The following ZBTB8B variants were observed in gnomAD, a reference collection of about 807,000 sequenced individuals.
ZBTB8B encodes the protein zinc finger and BTB domain containing 8B.
Under a neutral mutation model 30.3 loss-of-function variants are expected in ZBTB8B, and 17 were observed. The observed-to-expected ratio is 0.56, with a 90% CI of 0.38 to 0.84. The LOEUF (loss-of-function observed/expected upper bound fraction) is 0.84, where lower values mean the gene tolerates loss of function less well. ZBTB8B is among the 40% of genes least tolerant of loss of function. The pLI, the probability that ZBTB8B is intolerant of heterozygous loss-of-function variation, is 0.00. For synonymous variants in ZBTB8B, 248 were observed against 255.6 expected (o/e 0.97, Z 0.28); for missense variants, 515 against 644.9 (o/e 0.80, Z 2.18).
intron 2 of ZBTB8B, among the ~76,000 whole-genome samples, chr1:32,474,205 G>A: frequency 6.6e-6 from 1 of 151,180 alleles, no homozygotes; most frequent in East Asian, 1.9e-4. Flanking sequence ...ATTAAAACAA[G>A]ACTTGAAAAA....
chr1:32,467,765 C>T (rs544915624), intron 1 of ZBTB8B, among the ~76,000 whole-genome samples: 3 of 152,110 alleles, frequency 2.0e-5, no homozygotes, highest in African/African-American at 7.2e-5. Flanking sequence ...CAGGAGTTAA[C>T]CAAGGGTAGT....
At position 32,485,405 on chromosome 1, in the gene ZBTB8B, A is replaced by G. The variant is rs1468661088; in HGVS notation, c.1475A>G (p.Glu492Gly). ...ATTCAGCCTAACTTATCAGACCGAG[A>G]GACACTTACGTAGCAATAAATTGGT... Reference protein sequence around the residue: ...PQIQPNLSDRETLT With the variant: ...PQIQPNLSDRGTLT The change falls in exon 4 of 4, where the codon GAG (glutamate) becomes GGG (glycine). Residue 492 changes from glutamate (E) to glycine (G), a missense_variant. Around this residue, in one of 3 missense-constraint regions of ZBTB8B, gnomAD observed 429 missense variants for 504.3 expected, o/e 0.85. Coordinates refer to ENST00000609129, the MANE Select transcript of ZBTB8B (RefSeq NM_001145720.2). The G allele has an allele frequency of 1.3e-6, 2 of 1,550,820 alleles. No homozygotes were observed. Among genetic ancestry groups the G allele is most frequent in the Admixed American group, 3.9e-5 (2 of 50,972 alleles).
chr1:32,478,703 T>G (rs1425553344), intron 2 of ZBTB8B, among the ~76,000 whole-genome samples: 1 of 152,156 alleles, frequency 6.6e-6, no homozygotes. Flanking sequence ...GATGGGAACT[T>G]GATACCAAAG....
intron 2 of ZBTB8B, among the ~76,000 whole-genome samples, chr1:32,478,617 T>C (rs1444375400): frequency 6.6e-6 from 1 of 152,218 alleles, no homozygotes; most frequent in African/African-American, 2.4e-5. Context: ...GTGATGAGCT[T>C]TTGAGCTGCT....
chr1:32,476,549 C>G (rs112512861), intron 2 of ZBTB8B, among the ~76,000 whole-genome samples: 1 of 152,046 alleles, frequency 6.6e-6, no homozygotes, highest in African/African-American at 2.4e-5. Context: ...TATTGACTCT[C>G]TTAAGTCTTT....
At position 32,466,761 on chromosome 1, in the gene ZBTB8B, G is replaced by A. The variant is rs143371957; in HGVS notation, c.-42+1656G>A. On this transcript the variant is annotated intron_variant, in intron 1 of 3. Transcript: ENST00000609129. ...AAAGGAGGCTTTTCCAGTGAAAGAC[G>A]GAAGTGCCCTGGGAAGAGCCCCTAT... Among the ~76,000 whole-genome samples the A allele has an allele frequency of 7.2e-4, 109 of 152,232 alleles. No homozygotes were observed. In the East Asian group the frequency reaches 7.9e-3, roughly 11 times the overall value.
At position 32,485,494 on chromosome 1, in the gene ZBTB8B, A is replaced by G; in HGVS notation, c.*76A>G. 1 of 1,410,946 alleles carries G rather than the reference A, an allele frequency of 7.1e-7. No homozygotes were observed. The highest frequency in any genetic ancestry group is 1.4e-5 in the South Asian group (1 of 71,776). 87.4% of individuals were successfully genotyped at this position (1,410,946 alleles called of 1,614,324 possible). A position where few individuals can be genotyped will look rare whatever the true frequency, so the allele number is the denominator to read the frequency against. ...TGTTGTTGAAAGATACCATTTGTCCAATTTTGTGGAACCCTGAGAGGAACA... is the reference window on the plus strand; with the variant it reads ...TGTTGTTGAAAGATACCATTTGTCCGATTTTGTGGAACCCTGAGAGGAACA... On this transcript the variant is annotated 3_prime_UTR_variant, in exon 4 of 4. Transcript: ENST00000609129.
chr1:32,472,736 C>A (rs1230934603), intron 2 of ZBTB8B, among the ~76,000 whole-genome samples: 1 of 152,202 alleles, frequency 6.6e-6, no homozygotes, highest in Admixed American at 6.5e-5. Flanking sequence ...GCCTCAGCCT[C>A]CCGAGTAGCT....
At chr1:32,478,784 A>G (rs546984424) in intron 2 of ZBTB8B, among the ~76,000 whole-genome samples, 1 of 152,302 alleles carries the variant, frequency 6.6e-6, no homozygotes, top group South Asian at 2.1e-4. Context: ...TTTTCATAGC[A>G]CCTCAGGAAA....
At chr1:32,472,605 T>TTTGATTGA (rs140028395) in intron 2 of ZBTB8B, among the ~76,000 whole-genome samples, 28 of 151,860 alleles carry the variant, frequency 1.8e-4, no homozygotes, top group East Asian at 1.4e-3. Context: ...CTTGAGACTA[T>TTTGATTGA]TTGATTGATT....
At chr1:32,477,742 A>C (rs1487584985) in intron 2 of ZBTB8B, among the ~76,000 whole-genome samples, 1 of 151,876 alleles carries the variant, frequency 6.6e-6, no homozygotes, top group Non-Finnish European at 1.5e-5. Context: ...TCTCTACAAA[A>C]AAAAAAAAAA....
intron 2 of ZBTB8B, 73 bp downstream of exon 2, chr1:32,471,688 C>T (rs1643622601): frequency 2.1e-6 from 3 of 1,442,584 alleles, no homozygotes; most frequent in East Asian, 5.0e-5. Flanking sequence ...GTTCTCCCAT[C>T]ATCATGATCA....
At chr1:32,468,168 C>T (rs187091968) in intron 1 of ZBTB8B, among the ~76,000 whole-genome samples, 1 of 151,924 alleles carries the variant, frequency 6.6e-6, no homozygotes, top group Non-Finnish European at 1.5e-5. Context: ...CCAACTCAGA[C>T]CAGCTAAACC....
intron 3 of ZBTB8B, among the ~76,000 whole-genome samples, chr1:32,481,525 A>G (rs540466339): frequency 3.3e-5 from 5 of 152,248 alleles, no homozygotes; most frequent in African/African-American, 1.2e-4. Flanking sequence ...CAGCCCAAGG[A>G]GACCCTCCCC....
In ZBTB8B at chr1:32,484,873, G is replaced by A. The variant is rs1164650716; in HGVS notation, c.1171-228G>A. Among the ~76,000 whole-genome samples the A allele has an allele frequency of 1.3e-5, 2 of 152,124 alleles. No homozygotes were observed. Among genetic ancestry groups the A allele is most frequent in the Non-Finnish European group, 2.9e-5 (2 of 68,034 alleles). ...CAGCATCATGCTTCCTGTACAGCCT[G>A]TGGAACTGTGAGCCAATTAAACCTC... On this transcript the variant is annotated intron_variant, in intron 3 of 3. Transcript: ENST00000609129. This position sits in a 1 kb window ranked among gnomAD's most constrained non-coding sequence, Gnocchi z 4.5.
At chr1:32,477,779 G>T (rs1049708327) in intron 2 of ZBTB8B, among the ~76,000 whole-genome samples, 1 of 151,914 alleles carries the variant, frequency 6.6e-6, no homozygotes, top group Admixed American at 6.6e-5. Context: ...GCCCATGGCC[G>T]GGCATGGTGG....
chr1:32,478,365 A>G (rs1169123426), intron 2 of ZBTB8B, among the ~76,000 whole-genome samples: 2 of 151,764 alleles, frequency 1.3e-5, no homozygotes, highest in African/African-American at 4.8e-5. Flanking sequence ...TACAAAAATT[A>G]GCCAGGCATG....
chr1:32,478,725 C>G (rs575765158), intron 2 of ZBTB8B, among the ~76,000 whole-genome samples: 7 of 152,084 alleles, frequency 4.6e-5, no homozygotes, highest in Middle Eastern at 3.4e-3. Flanking sequence ...GAGTTTCCAC[C>G]CTTACATAAA....
chr1:32,471,739 C>G (rs1305563824), intron 2 of ZBTB8B, 124 bp downstream of exon 2: 18 of 1,077,610 alleles, frequency 1.7e-5, no homozygotes, highest in Non-Finnish European at 2.2e-5. Context: ...TTATCAGTAC[C>G]ATCATCACCA....
Sources: gnomAD v4.1 joint callset for allele counts (sites outside exome capture counted in the v4.1 genomes callset) on GRCh38, gnomAD v4.1.1 for gene constraint, gnomAD v4.1.1 regional missense constraint, Gnocchi (gnomAD v3.1) non-coding constraint, MANE v1.5 for transcripts, NCBI Gene and HGNC (gene_info 2026-07-23, HGNC 2026-07-21) for gene names.